Variants in ARHGAP29 observed in about 807,000 individuals in gnomAD.
ARHGAP29 encodes the protein rho GTPase-activating protein 29.
A neutral mutation model predicts 122.6 loss-of-function variants in ARHGAP29; 43 were observed. The ratio of observed to expected loss-of-function variants is 0.35; its 90% confidence interval spans 0.27 to 0.45. ARHGAP29 has a LOEUF of 0.45. ARHGAP29 is among the 20% of genes least tolerant of loss of function. ARHGAP29 has a pLI of 1.00. For missense variants in ARHGAP29, 1,303 were observed against 1,477.2 expected (o/e 0.88, Z 1.93); for synonymous variants, 506 against 497.1 (o/e 1.02, Z -0.24).
rs757819804 is a variant in ARHGAP29, at chr1:94,236,022, A to G, written c.-33+1393T>C. Among the ~76,000 whole-genome samples the G allele has an allele frequency of 7.2e-5, 11 of 152,208 alleles. 1 individual carries two copies. Among genetic ancestry groups the G allele is most frequent in the South Asian group, 4.1e-4 (2 of 4,834 alleles). On this transcript the variant is annotated intron_variant, in intron 1 of 22. Transcript: ENST00000260526. ...CATTTCTTCTTGAGGAAAAATTGCC[A>G]GATATTTCAGAAATCTGCTATTTCA...
At chr1:94,198,742 T>C (rs181294509) in intron 12 of ARHGAP29, among the ~76,000 whole-genome samples, 16 of 152,286 alleles carry the variant, frequency 1.1e-4, no homozygotes, top group Admixed American at 3.3e-4. Flanking sequence ...ATTGCTAAGA[T>C]GCTACATATA....
intron 12 of ARHGAP29, among the ~76,000 whole-genome samples, chr1:94,198,945 C>T (rs573753795): frequency 2.0e-5 from 3 of 152,172 alleles, no homozygotes; most frequent in African/African-American, 7.2e-5. Flanking sequence ...TTAAGACTTG[C>T]TGCAAAGCAA....
In ARHGAP29 at chr1:94,188,857, T is replaced by A; in HGVS notation, c.1661A>T (p.Asp554Val). Residue 554 changes from aspartate (D) to valine (V), a missense_variant, in exon 15 of 23, where the codon GAT becomes GTT. Asp to Val is a radical substitution (Grantham distance 152). Transcript: ENST00000260526. Reference sequence around the variant, plus strand: ...TGTACCTGGACTTATAGATTCTGAATCCAGAGATCTAGATTCGCTGCTCCC... The same window carrying A: ...TGTACCTGGACTTATAGATTCTGAAACCAGAGATCTAGATTCGCTGCTCCC... ...TGGSSESRSL[D>V]SESISPGDFH... 1 of 1,612,754 alleles carries A rather than the reference T, an allele frequency of 6.2e-7. No homozygotes were observed.
At chr1:94,212,139 G>T (rs1340700035) in intron 3 of ARHGAP29, among the ~76,000 whole-genome samples, 1 of 152,072 alleles carries the variant, frequency 6.6e-6, no homozygotes, top group Admixed American at 6.6e-5. Context: ...ATTAGCTGGG[G>T]GTGGTGACGC....
chr1:94,284,840 G>T, the ARHGAP29 span, among the ~76,000 whole-genome samples: 35 of 152,188 alleles, frequency 2.3e-4, no homozygotes, highest in African/African-American at 8.4e-4. Flanking sequence ...ACAGAAGAAA[G>T]ATAGTGGCAT....
At chr1:94,264,070 G>T (rs968453409) in intron 1 of ARHGAP29, among the ~76,000 whole-genome samples, 1 of 152,126 alleles carries the variant, frequency 6.6e-6, no homozygotes, top group Non-Finnish European at 1.5e-5. Flanking sequence ...CAAAGGCTGG[G>T]TATATTTTTA....
intron 2 of ARHGAP29, among the ~76,000 whole-genome samples, chr1:94,224,929 G>T (rs1652526661): frequency 6.6e-6 from 1 of 152,058 alleles, no homozygotes; most frequent in Non-Finnish European, 1.5e-5. Context: ...AGCTCCTTAA[G>T]TTACACTATG....
intron 22 of ARHGAP29, among the ~76,000 whole-genome samples, chr1:94,175,242 C>T (rs1649016375): frequency 6.6e-6 from 1 of 152,182 alleles, no homozygotes; most frequent in African/African-American, 2.4e-5. Context: ...CTCTCCATAT[C>T]TGATCAACTA....
At chr1:94,289,365 C>T in the ARHGAP29 span, among the ~76,000 whole-genome samples, 1 of 152,136 alleles carries the variant, frequency 6.6e-6, no homozygotes, top group Non-Finnish European at 1.5e-5. Context: ...GCTGAAGTTG[C>T]TTATCAGCTT....
At chr1:94,175,595 A>G (rs967848435) in intron 22 of ARHGAP29, among the ~76,000 whole-genome samples, 1 of 152,204 alleles carries the variant, frequency 6.6e-6, no homozygotes, top group Non-Finnish European at 1.5e-5. Context: ...AGTGGTTTGC[A>G]GACAGGTGCC....
chr1:94,209,077 T>G (rs1651407493), intron 4 of ARHGAP29, among the ~76,000 whole-genome samples, 173 bp from the exon 5 acceptor site: 1 of 152,202 alleles, frequency 6.6e-6, no homozygotes, highest in South Asian at 2.1e-4. Flanking sequence ...TGCTTCTAAA[T>G]AGCTATAAAA....
At chr1:94,247,340 C>G (rs1653846869) in intron 1 of ARHGAP29, among the ~76,000 whole-genome samples, 1 of 152,042 alleles carries the variant, frequency 6.6e-6, no homozygotes, top group South Asian at 2.1e-4. Context: ...GCCAGCTTCT[C>G]CCCTGCTGCC....
rs757890932 is a variant in ARHGAP29, at chr1:94,206,850, C to G, written c.511-1167G>C. Among the ~76,000 whole-genome samples the G allele has an allele frequency of 2.5e-4, 3 of 11,964 alleles. No homozygotes were observed. In the Non-Finnish European group the frequency reaches 0.021, roughly 85 times the overall value. 7.8% of individuals were successfully genotyped at this position (11,964 alleles called of 152,430 possible). On this transcript the variant is annotated intron_variant, in intron 5 of 22. Coordinates refer to ENST00000260526, the MANE Select transcript of ARHGAP29 (RefSeq NM_004815.4). ...GATGGAGGTTGCAGTGAGCCGAGAT[C>G]ACACCACTGCACCAGCCCAGGTGAA...
chr1:94,181,678 A>T (rs141723248), intron 19 of ARHGAP29, among the ~76,000 whole-genome samples: 1,911 of 152,296 alleles, frequency 0.013, 23 homozygotes, highest in Non-Finnish European at 0.017. Flanking sequence ...GCTTCAAAAG[A>T]GATTCAGTTT....
At chr1:94,240,111 C>A (rs1401631780), upstream of ARHGAP29, among the ~76,000 whole-genome samples, 1 of 152,176 alleles carries the variant, frequency 6.6e-6, no homozygotes, top group Non-Finnish European at 1.5e-5. Flanking sequence ...GGGTTATTCT[C>A]AACACCCCCT....
At chr1:94,284,750 A>G in the ARHGAP29 span, among the ~76,000 whole-genome samples, 29 of 152,368 alleles carry the variant, frequency 1.9e-4, no homozygotes, top group South Asian at 3.5e-3. Flanking sequence ...TTGTTTCTAT[A>G]ACAAAATCTA....
At chr1:94,175,093 C>T (rs1382846223) in intron 22 of ARHGAP29, among the ~76,000 whole-genome samples, 1 of 152,058 alleles carries the variant, frequency 6.6e-6, no homozygotes, top group Non-Finnish European at 1.5e-5. Flanking sequence ...GGAAAATTAA[C>T]CTCAGAAAAG....
chr1:94,310,601 C>T, the ARHGAP29 span, among the ~76,000 whole-genome samples: 3 of 152,358 alleles, frequency 2.0e-5, no homozygotes, highest in East Asian at 5.8e-4. Context: ...TTTAAAACCT[C>T]TGAGTCAACC....
chr1:94,186,975 T>C (rs1188867697), intron 15 of ARHGAP29, among the ~76,000 whole-genome samples: 3 of 152,228 alleles, frequency 2.0e-5, no homozygotes, highest in Non-Finnish European at 2.9e-5. Context: ...TCATTAATGT[T>C]TGCTGAATTA....
Sources: gnomAD v4.1 joint callset for allele counts (sites outside exome capture counted in the v4.1 genomes callset) on GRCh38, gnomAD v4.1.1 for gene constraint, MANE v1.5 for transcripts, NCBI Gene and HGNC (gene_info 2026-07-23, HGNC 2026-07-21) for gene names.